The following EP400 variants were observed in gnomAD, a reference collection of about 807,000 sequenced individuals.
EP400 encodes E1A binding protein p400.
Under a neutral mutation model 354.1 loss-of-function variants are expected in EP400, and 105 were observed. That is an observed-to-expected ratio of 0.30 (90% CI 0.25 to 0.35). The LOEUF is 0.35. EP400 is among the 10% of genes least tolerant of loss of function. The pLI is 1.00. For missense variants in EP400, 3,280 were observed against 4,121.0 expected (o/e 0.80, Z 5.59); for synonymous variants, 1,646 against 1,716.9 (o/e 0.96, Z 1.02).
At position 132,013,078 on chromosome 12, in the gene EP400, G is replaced by C. The variant is rs961156559; in HGVS notation, c.3511G>C (p.Ala1171Pro). The C allele has an allele frequency of 6.2e-7, 1 of 1,613,914 alleles. No homozygotes were observed. Among genetic ancestry groups the C allele is most frequent in the African/African-American group, 1.3e-5 (1 of 74,918 alleles). Residue 1171 changes from alanine to proline, a missense_variant, in exon 17 of 53, where the codon GCC becomes CCC. Ala to Pro is a conservative substitution (Grantham distance 27). Coordinates refer to ENST00000389561, the MANE Select transcript of EP400 (RefSeq NM_015409.5). The surrounding 1 kb of genome is among the most constrained non-coding windows in gnomAD (Gnocchi z 4.5). ...SYTQFFRGLTAFTRVRWKCLV... is the reference protein window; with the variant it reads ...SYTQFFRGLTPFTRVRWKCLV... The stretch of plus-strand genomic sequence containing the variant: ...CACTCAGTTCTTCCGGGGCCTCACC[G>C]CCTTCACACGAGTGCGCTGGAAGTG...
chr12:132,032,243 A>G (rs377329534), intron 30 of EP400, 94 bp downstream of exon 30: 389 of 1,401,942 alleles, frequency 2.8e-4, no homozygotes, highest in South Asian at 1.7e-3. Context: ...AATGGAGTCA[A>G]TGAGAAGCTT....
intron 3 of EP400, 152 bp downstream of exon 3, chr12:131,979,945 C>T (rs1892622320): frequency 1.8e-6 from 1 of 563,304 alleles, no homozygotes; most frequent in African/African-American, 1.9e-5. Flanking sequence ...ATCAGCTGAA[C>T]AATATTTACG....
chr12:131,982,501 AAAAG>A, intron 5 of EP400, 23 bp downstream of exon 5: 1 of 1,572,024 alleles, frequency 6.4e-7, no homozygotes, highest in Admixed American at 1.9e-5. Flanking sequence ...ATAGAGGAAA[AAAAG>A]AAAATGGTTT....
intron 12 of EP400, among the ~76,000 whole-genome samples, chr12:131,996,112 G>A (rs548792705): frequency 3.2e-4 from 49 of 152,252 alleles, no homozygotes; most frequent in Non-Finnish European, 6.0e-4. Context: ...TATTCTTTTT[G>A]TAAATATGTG....
intron 1 of EP400, among the ~76,000 whole-genome samples, chr12:131,954,892 G>T (rs1201759862): frequency 6.6e-6 from 1 of 152,064 alleles, no homozygotes; most frequent in African/African-American, 2.4e-5. Context: ...GCTGGCTGTG[G>T]TGGCGTGTAA....
intron 12 of EP400, among the ~76,000 whole-genome samples, chr12:131,998,134 T>C (rs1893279081): frequency 6.6e-6 from 1 of 152,220 alleles, no homozygotes; most frequent in South Asian, 2.1e-4. Context: ...TATTCTTTTA[T>C]TGGCAAATTT....
At chr12:131,977,836 TAC>T (rs1318888101) in intron 2 of EP400, among the ~76,000 whole-genome samples, 3 of 152,170 alleles carry the variant, frequency 2.0e-5, no homozygotes, top group African/African-American at 7.2e-5. Context: ...CCCGTGTGAG[TAC>T]AGAGTCTGTG....
intron 2 of EP400, among the ~76,000 whole-genome samples, chr12:131,962,399 T>A (rs1013900951): frequency 2.0e-5 from 3 of 152,204 alleles, no homozygotes; most frequent in African/African-American, 4.8e-5. Context: ...CTCGTATAGA[T>A]CTCCTTAAAA....
At chr12:132,014,163 G>A (rs1167911244) in intron 19 of EP400, among the ~76,000 whole-genome samples, 1 of 152,246 alleles carries the variant, frequency 6.6e-6, no homozygotes, top group African/African-American at 2.4e-5. Flanking sequence ...CACGTGTAGG[G>A]TGGTGTCCTG....
chr12:131,971,481 C>A (rs1333168213), intron 2 of EP400, among the ~76,000 whole-genome samples: 1 of 152,138 alleles, frequency 6.6e-6, no homozygotes, highest in Admixed American at 6.5e-5. Flanking sequence ...GATTTCCTTT[C>A]CTTTGGCTGT....
chr12:132,076,531 C>G lies in EP400; in HGVS notation c.9037C>G (p.Gln3013Glu), dbSNP rs773135016. ...TTTGTCAAAGGTTGCAAAACTTCCT[C>G]AAGTTGTTCAACAGCAAACACCCGT... is the stretch of plus-strand genomic sequence containing the variant. ...QTQIQVAKLPQVVQQQTPVAS... is the reference protein window; with the variant it reads ...QTQIQVAKLPEVVQQQTPVAS... The change falls in exon 52 of 53, where the codon CAA (glutamine) becomes GAA (glutamate). Residue 3013 changes from glutamine to glutamate, a missense_variant. This residue lies in a region of EP400 where 279 missense variants were observed against 386.7 expected (regional missense o/e 0.72). Coordinates refer to ENST00000389561, the MANE Select transcript of EP400 (RefSeq NM_015409.5). 3.7e-6 allele frequency: 6 copies of G among 1,613,998 alleles called. No individual in the cohort carries two copies. In the African/African-American group the frequency reaches 6.7e-5, roughly 18 times the overall value.
intron 3 of EP400, among the ~76,000 whole-genome samples, 154 bp downstream of exon 3, chr12:131,979,947 A>G (rs1892622479): frequency 6.6e-6 from 1 of 152,212 alleles, no homozygotes; most frequent in Non-Finnish European, 1.5e-5. Context: ...CAGCTGAACA[A>G]TATTTACGTG....
chr12:132,013,686 C>T lies in EP400; in HGVS notation c.3786+22C>T. 6.2e-7 allele frequency: 1 copy of T among 1,604,252 alleles called. No individual in the cohort carries two copies. Among genetic ancestry groups the T allele is most frequent in the Non-Finnish European group, 8.5e-7 (1 of 1,173,988 alleles). On this transcript the variant is annotated intron_variant, in intron 18 of 52. Coordinates refer to ENST00000389561, the MANE Select transcript of EP400 (RefSeq NM_015409.5). The surrounding 1 kb of genome is among the most constrained non-coding windows in gnomAD (Gnocchi z 4.5). ...CAGGGTAGGTTGGGTTCTGCCATTT[C>T]AGTTAATTAATTAAACATGCGTATG...
rs1894108133 is a variant in EP400, at chr12:132,021,117, A to G, written c.4486A>G (p.Ser1496Gly). 1 of 1,600,094 alleles carries G rather than the reference A, an allele frequency of 6.2e-7. No individual in the cohort carries two copies. The highest frequency in any genetic ancestry group is 8.5e-7 in the Non-Finnish European group (1 of 1,179,760). ...APFQTSQASA[S>G]APRHQPASAS... ...GTTTCAGACCTCTCAGGCTTCCGCC[A>G]GTGCTCCACGACACCAGCCCGCCTC... The change falls in exon 23 of 53, where the codon AGT becomes GGT. Residue 1496 changes from serine (S) to glycine (G), a missense_variant. Physicochemically the swap from Ser to Gly is moderately conservative, Grantham distance 56 (BLOSUM62 0). Transcript: ENST00000389561.
intron 32 of EP400, among the ~76,000 whole-genome samples, chr12:132,040,849 C>T (rs1426308301): frequency 3.9e-5 from 6 of 152,100 alleles, no homozygotes; most frequent in East Asian, 1.9e-4. Context: ...AGCTGTGGCA[C>T]GGGGTCTGGC....
intron 32 of EP400, 142 bp from the exon 33 acceptor site, chr12:132,043,162 C>T (rs1231214184): frequency 1.2e-6 from 1 of 837,086 alleles, no homozygotes; most frequent in Non-Finnish European, 1.8e-6. Flanking sequence ...AAGAGGACCT[C>T]AGGGAAGGAG....
intron 2 of EP400, among the ~76,000 whole-genome samples, chr12:131,964,146 G>A (rs1310719252): frequency 6.6e-6 from 1 of 152,076 alleles, no homozygotes; most frequent in Non-Finnish European, 1.5e-5. Flanking sequence ...TTAATTTTTT[G>A]CAAATTCACT....
intron 5 of EP400, 126 bp from the exon 6 acceptor site, chr12:131,986,388 T>A: frequency 2.3e-6 from 2 of 861,226 alleles, no homozygotes; most frequent in East Asian, 5.0e-5. Flanking sequence ...TTTGTCTGCT[T>A]GCATCGTGGA....
In EP400 at chr12:132,048,671, T is replaced by C. The variant is rs552617185; in HGVS notation, c.7201-1652T>C. ...CCGAGTAGCTGGGATTACAGGTGCA[T>C]GCCACCATACCCAGCTAATTTTTGT... On this transcript the variant is annotated intron_variant, in intron 39 of 52. Transcript: ENST00000389561. Among the ~76,000 whole-genome samples, 56 of 152,192 alleles carry C rather than the reference T, an allele frequency of 3.7e-4. 1 individual carries two copies. The South Asian group carries it at 0.011, about 31-fold the overall frequency.
Sources: allele counts gnomAD v4.1 joint callset (sites outside exome capture counted in the v4.1 genomes callset), GRCh38; gene constraint gnomAD v4.1.1; regional missense constraint gnomAD v4.1.1; non-coding constraint Gnocchi (gnomAD v3.1); transcripts MANE v1.5; gene names NCBI Gene and HGNC (gene_info 2026-07-23, HGNC 2026-07-21).